Variants in MYO6 observed in about 807,000 individuals in gnomAD.
MYO6 encodes the protein unconventional myosin-VI.
MYO6 carries 74 observed loss-of-function variants against 178.7 expected under a neutral mutation model. That is an observed-to-expected ratio of 0.41 (90% confidence interval 0.34 to 0.50). The LOEUF (loss-of-function observed/expected upper bound fraction) is 0.50. Among genes scored for constraint, MYO6 ranks in the 20% least tolerant of loss-of-function variants. The pLI, the probability that MYO6 is intolerant of heterozygous loss-of-function variation, is 0.09. For synonymous variants in MYO6, 477 were observed against 504.6 expected, an observed-to-expected ratio of 0.95 and a Z score of 0.73; for missense variants, 1,330 against 1,547.4, an observed-to-expected ratio of 0.86 and a Z score of 2.36.
At chr6:75,822,988 G>C (rs1423890833) in intron 3 of MYO6, 137 bp downstream of exon 3, 4 of 707,502 alleles carry the variant, frequency 5.7e-6, no homozygotes, top group African/African-American at 1.8e-5. Flanking sequence ...ATATTCATGT[G>C]AATGAAGGAA....
chr6:75,767,245 C>T (rs775042269), intron 1 of MYO6, among the ~76,000 whole-genome samples: 7 of 151,992 alleles, frequency 4.6e-5, no homozygotes, highest in East Asian at 3.9e-4. Flanking sequence ...AGGCTGGTCT[C>T]GAACTCCTGG....
In MYO6 at chr6:75,835,933, A is replaced by T. The variant is rs775156171; in HGVS notation, c.530A>T (p.Asp177Val). The T allele has an allele frequency of 3.7e-6, 6 of 1,608,812 alleles. No homozygotes were observed. Among genetic ancestry groups the T allele is most frequent in the Non-Finnish European group, 5.1e-6 (6 of 1,175,198 alleles). Residue 177 changes from aspartate to valine, a missense_variant, in exon 7 of 35, where the codon GAT becomes GTT. Physicochemically the swap from Asp to Val is radical, Grantham distance 152. Transcript: ENST00000369977. ...ACTGAATCCTATGGAACAGGTCAAG[A>T]TATTGATGACAGAATTGTTGAAGGT... is the stretch of plus-strand genomic sequence containing the variant. ...YLTESYGTGQ[D>V]IDDRIVEANP...
At chr6:75,801,711 CG>C (rs1466114660) in intron 1 of MYO6, among the ~76,000 whole-genome samples, 1 of 151,558 alleles carries the variant, frequency 6.6e-6, no homozygotes, top group Non-Finnish European at 1.5e-5. Context: ...GAGGCCAAGG[CG>C]GGTGGATCAC....
At chr6:75,895,365 A>G (rs2149381152) in intron 29 of MYO6, 105 bp downstream of exon 29, 2 of 905,710 alleles carry the variant, frequency 2.2e-6, no homozygotes, top group East Asian at 2.6e-5. Flanking sequence ...ATTGAAAGGT[A>G]ATGAGATAAC....
intron 1 of MYO6, among the ~76,000 whole-genome samples, chr6:75,753,964 G>A (rs1777121281): frequency 6.6e-6 from 1 of 152,126 alleles, no homozygotes; most frequent in African/African-American, 2.4e-5. Flanking sequence ...TCCACCAAAA[G>A]TTTTCCCTGT....
intron 1 of MYO6, among the ~76,000 whole-genome samples, chr6:75,797,381 C>T (rs771436731): frequency 6.6e-6 from 1 of 152,238 alleles, no homozygotes; most frequent in African/African-American, 2.4e-5. Context: ...GCGTGAGCCA[C>T]TGCGTCCAGT....
chr6:75,757,309 CACAT>C (rs1777526531), intron 1 of MYO6, among the ~76,000 whole-genome samples: 4 of 147,768 alleles, frequency 2.7e-5, no homozygotes, highest in African/African-American at 2.5e-5. Flanking sequence ...TGTATACACA[CACAT>C]ATACATATAG....
At chr6:75,835,259 T>C (rs1272183104) in intron 6 of MYO6, among the ~76,000 whole-genome samples, 2 of 152,182 alleles carry the variant, frequency 1.3e-5, no homozygotes, top group Non-Finnish European at 2.9e-5. Context: ...TAAAAAACAA[T>C]GTCAATTAGA....
At chr6:75,794,317 C>A (rs1031833953) in intron 1 of MYO6, among the ~76,000 whole-genome samples, 2 of 152,086 alleles carry the variant, frequency 1.3e-5, no homozygotes, top group African/African-American at 4.8e-5. Flanking sequence ...TAAACATGTT[C>A]TTAATGTATG....
chr6:75,826,430 G>A (rs996495673), intron 3 of MYO6, among the ~76,000 whole-genome samples: 17 of 152,192 alleles, frequency 1.1e-4, no homozygotes, highest in Admixed American at 6.5e-4. Flanking sequence ...TCCCATGTCT[G>A]TGTAGGCTTA....
At chr6:75,788,401 A>G (rs1767892368) in intron 1 of MYO6, among the ~76,000 whole-genome samples, 1 of 152,176 alleles carries the variant, frequency 6.6e-6, no homozygotes, top group Non-Finnish European at 1.5e-5. Flanking sequence ...ACGTTCTAGC[A>G]TCATCTTTCC....
chr6:75,889,137 A>G (rs1778698454), intron 25 of MYO6, among the ~76,000 whole-genome samples: 3 of 152,156 alleles, frequency 2.0e-5, no homozygotes, highest in Non-Finnish European at 2.9e-5. Flanking sequence ...AACAATGGCA[A>G]TCTTGGAGGT....
intron 1 of MYO6, among the ~76,000 whole-genome samples, chr6:75,771,834 A>G (rs937051414): frequency 2.2e-4 from 33 of 152,172 alleles, no homozygotes; most frequent in African/African-American, 8.0e-4. Context: ...CTGCAGTTCA[A>G]TTACTTATCT....
intron 25 of MYO6, among the ~76,000 whole-genome samples, chr6:75,887,481 A>C (rs1778531988): frequency 6.6e-6 from 1 of 151,332 alleles, no homozygotes; most frequent in South Asian, 2.1e-4. Flanking sequence ...GTCTCTACTA[A>C]AAATACAAAA....
chr6:75,835,890 A>G lies in MYO6; in HGVS notation c.498-11A>G, dbSNP rs749261743. ...TTGTCATCAACATTTTTTATCCTAT[A>G]TTTTAAACAGATACCTGACTGAATC... is the stretch of plus-strand genomic sequence containing the variant. On this transcript the variant is annotated splice_polypyrimidine_tract_variant and intron_variant, in intron 6 of 34. Transcript: ENST00000369977. 13 of 1,542,974 alleles carry G rather than the reference A, an allele frequency of 8.4e-6. No individual in the cohort carries two copies. The Admixed American group carries it at 1.7e-4, about 20-fold the overall frequency.
chr6:75,769,672 T>C (rs1429176756), intron 1 of MYO6, among the ~76,000 whole-genome samples: 1 of 151,918 alleles, frequency 6.6e-6, no homozygotes, highest in East Asian at 1.9e-4. Context: ...GAGGCCGAGG[T>C]GGGTGGATCA....
At chr6:75,775,844 A>G (rs3798452) in intron 1 of MYO6, among the ~76,000 whole-genome samples, 8,387 of 152,256 alleles carry the variant, frequency 0.055, 509 homozygotes, top group African/African-American at 0.15. Flanking sequence ...GAGTTGACCA[A>G]TCTGTTCCTA....
At chr6:75,910,708 C>CTT (rs1780695084) in intron 32 of MYO6, among the ~76,000 whole-genome samples, 2 of 151,856 alleles carry the variant, frequency 1.3e-5, no homozygotes, top group African/African-American at 4.8e-5. Context: ...TTGCTTTTCT[C>CTT]TTTCTCTTTA....
chr6:75,898,420 A>C lies in MYO6; in HGVS notation c.3176+9A>C, dbSNP rs1779474484. 1 of 1,606,370 alleles carries C rather than the reference A, an allele frequency of 6.2e-7. No individual in the cohort carries two copies. The highest frequency in any genetic ancestry group is 1.3e-5 in the African/African-American group (1 of 74,714). ...TCAGAATTTTTGAGTAGGTTAGTGC[A>C]GTGTAATTGGGGGAAATAAGTGTTC... is the stretch of plus-strand genomic sequence containing the variant. On this transcript the variant is annotated intron_variant, in intron 30 of 34. Transcript: ENST00000369977.
Sources: allele counts gnomAD v4.1 joint callset (sites outside exome capture counted in the v4.1 genomes callset), GRCh38; gene constraint gnomAD v4.1.1; transcripts MANE v1.5; gene names NCBI Gene and HGNC (gene_info 2026-07-23, HGNC 2026-07-21).